CHSY3: variants seen among roughly 807,000 people sequenced by gnomAD.
The protein encoded by CHSY3 is chondroitin sulfate synthase 3, also known as N-acetylgalactosaminyl-proteoglycan 3-beta-glucuronosyltransferase 3.
In CHSY3, 35 loss-of-function variants were observed where a neutral mutation model predicts 67.2. The ratio of observed to expected loss-of-function variants is 0.52; its 90% confidence interval spans 0.40 to 0.69. The LOEUF (loss-of-function observed/expected upper bound fraction) is 0.69, where lower values mean the gene tolerates loss of function less well. Among genes scored for constraint, CHSY3 ranks in the 30% least tolerant of loss-of-function variants. CHSY3 has a pLI of 0.00. For missense variants in CHSY3, 1,069 were observed against 1,138.5 expected (o/e 0.94, Z 0.88); for synonymous variants, 474 against 434.7 (o/e 1.09, Z -1.12).
At chr5:129,997,289 A>T (rs1456084285) in intron 2 of CHSY3, among the ~76,000 whole-genome samples, 1 of 152,134 alleles carries the variant, frequency 6.6e-6, no homozygotes, top group Non-Finnish European at 1.5e-5. Context: ...TTTCTCTCAG[A>T]CAATAAAGTT....
chr5:130,147,913 C>T (rs1296131112), intron 2 of CHSY3, among the ~76,000 whole-genome samples: 3 of 152,020 alleles, frequency 2.0e-5, no homozygotes, highest in Admixed American at 1.3e-4. Context: ...CAGGTAAACC[C>T]GTGTCATGGG....
At chr5:130,076,274 C>T (rs1282162105) in intron 2 of CHSY3, among the ~76,000 whole-genome samples, 1 of 151,818 alleles carries the variant, frequency 6.6e-6, no homozygotes, top group Non-Finnish European at 1.5e-5. Context: ...CTTCAGGACA[C>T]CCTGTCCTCC....
intron 2 of CHSY3, among the ~76,000 whole-genome samples, chr5:130,004,533 A>C (rs528260812): frequency 6.6e-6 from 1 of 152,298 alleles, no homozygotes; most frequent in Admixed American, 6.5e-5. Flanking sequence ...TCCTGTTTGT[A>C]TTTGTTGATA....
chr5:130,159,937 G>T (rs115781540), intron 2 of CHSY3, among the ~76,000 whole-genome samples: 1 of 152,020 alleles, frequency 6.6e-6, no homozygotes, highest in Non-Finnish European at 1.5e-5. Flanking sequence ...CCTAATAGTA[G>T]CATTTTTTTT....
chr5:129,979,282 A>C (rs115697413), intron 2 of CHSY3, among the ~76,000 whole-genome samples: 3,534 of 151,872 alleles, frequency 0.023, 125 homozygotes, highest in African/African-American at 0.078. Flanking sequence ...GTAATTCAGA[A>C]GTTAATCTAA....
intron 2 of CHSY3, among the ~76,000 whole-genome samples, chr5:130,025,078 C>G (rs1200202501): frequency 1.3e-5 from 2 of 152,030 alleles, no homozygotes; most frequent in East Asian, 1.9e-4. Flanking sequence ...TCATATAACA[C>G]ATTTTTCTCC....
At chr5:129,924,242 A>T (rs1396586532) in intron 2 of CHSY3, among the ~76,000 whole-genome samples, 1 of 152,042 alleles carries the variant, frequency 6.6e-6, no homozygotes, top group Non-Finnish European at 1.5e-5. Context: ...ATATTTCCAT[A>T]GTTTCTCTCA....
intron 2 of CHSY3, among the ~76,000 whole-genome samples, chr5:130,106,556 G>A (rs1348073550): frequency 6.6e-6 from 1 of 151,624 alleles, no homozygotes; most frequent in Non-Finnish European, 1.5e-5. Flanking sequence ...TATGTTTCAG[G>A]TGGTGACAAA....
chr5:129,997,338 C>A (rs1050967637), intron 2 of CHSY3, among the ~76,000 whole-genome samples: 9 of 151,962 alleles, frequency 5.9e-5, no homozygotes, highest in Non-Finnish European at 1.3e-4. Flanking sequence ...CTTTTTTTAA[C>A]CTCATTTTTT....
intron 2 of CHSY3, among the ~76,000 whole-genome samples, chr5:130,178,251 A>T (rs376467191): frequency 0.042 from 2,614 of 62,436 alleles, 140 homozygotes; most frequent in African/African-American, 0.14. Flanking sequence ...ATATATATAT[A>T]TATTTTTTTT....
chr5:129,905,645 G>T lies in CHSY3; in HGVS notation c.802+14G>T. 1 of 1,609,206 alleles carries T rather than the reference G, an allele frequency of 6.2e-7. No homozygotes were observed. Among genetic ancestry groups the T allele is most frequent in the Non-Finnish European group, 8.5e-7 (1 of 1,177,250 alleles). ...TCTACATCAAAGGTGACCTCCCTGC[G>T]CCGGCTTTCCAGCCTGCCAGTCTCC... On this transcript the variant is annotated intron_variant, in intron 1 of 2. Coordinates refer to ENST00000305031, the MANE Select transcript of CHSY3 (RefSeq NM_175856.5).
chr5:129,998,739 T>A (rs891384572), intron 2 of CHSY3, among the ~76,000 whole-genome samples: 3 of 152,112 alleles, frequency 2.0e-5, no homozygotes, highest in Non-Finnish European at 4.4e-5. Context: ...TCTATGTATT[T>A]TTTTTTGCCC....
intron 2 of CHSY3, among the ~76,000 whole-genome samples, chr5:130,115,168 G>T (rs1767750379): frequency 1.3e-5 from 2 of 151,712 alleles, no homozygotes; most frequent in Non-Finnish European, 2.9e-5. Context: ...ATTACAGTAT[G>T]AATGATTGCA....
At chr5:130,089,789 A>G (rs1157399833) in intron 2 of CHSY3, among the ~76,000 whole-genome samples, 1 of 152,182 alleles carries the variant, frequency 6.6e-6, no homozygotes, top group African/African-American at 2.4e-5. Flanking sequence ...TTGTAGGAAG[A>G]TAGGTAAAGG....
chr5:130,133,134 A>G (rs976633030), intron 2 of CHSY3, among the ~76,000 whole-genome samples: 2 of 152,202 alleles, frequency 1.3e-5, no homozygotes, highest in Non-Finnish European at 2.9e-5. Flanking sequence ...AAAAGGTTGT[A>G]TACTAATTTA....
chr5:130,049,786 T>A (rs1472036437), intron 2 of CHSY3, among the ~76,000 whole-genome samples: 3 of 144,806 alleles, frequency 2.1e-5, no homozygotes, highest in Non-Finnish European at 3.1e-5. Flanking sequence ...TTTTTTTTAA[T>A]TTGAGATTGT....
chr5:130,077,956 A>G (rs1158324257), intron 2 of CHSY3, among the ~76,000 whole-genome samples: 1 of 152,126 alleles, frequency 6.6e-6, no homozygotes. Flanking sequence ...TGTAGCCATA[A>G]TAACTAACAC....
chr5:130,162,106 A>C (rs1357652575), intron 2 of CHSY3, among the ~76,000 whole-genome samples: 1 of 151,052 alleles, frequency 6.6e-6, no homozygotes, highest in African/African-American at 2.4e-5. Flanking sequence ...ATAGTGTTTT[A>C]ATTTAATTAT....
intron 2 of CHSY3, among the ~76,000 whole-genome samples, chr5:129,963,884 G>A (rs756445223): frequency 9.2e-5 from 14 of 151,818 alleles, no homozygotes; most frequent in Non-Finnish European, 1.9e-4. Flanking sequence ...ATGTGTATGT[G>A]TATATGTGTA....
Sources: allele counts gnomAD v4.1 joint callset (sites outside exome capture counted in the v4.1 genomes callset), GRCh38; gene constraint gnomAD v4.1.1; transcripts MANE v1.5; gene names NCBI Gene and HGNC (gene_info 2026-07-23, HGNC 2026-07-21).